Variants in SLC7A14 observed in about 807,000 individuals in gnomAD.
SLC7A14 encodes the protein gamma-aminobutyric acid transporter SLC7A14.
Under a neutral mutation model 60.2 loss-of-function variants are expected in SLC7A14, and 37 were observed. The ratio of observed to expected loss-of-function variants is 0.61; its 90% CI spans 0.47 to 0.81. The LOEUF is 0.81. SLC7A14 is among the 30% of genes least tolerant of loss of function. SLC7A14 has a pLI of 0.00. For synonymous variants in SLC7A14, 399 were observed against 395.8 expected (o/e 1.01, Z -0.10); for missense variants, 886 against 982.7 (o/e 0.90, Z 1.32).
intron 3 of SLC7A14, among the ~76,000 whole-genome samples, chr3:170,499,117 G>A (rs1246709073): frequency 1.3e-5 from 2 of 151,426 alleles, no homozygotes; most frequent in Non-Finnish European, 2.9e-5. Context: ...GGCGCCTGTA[G>A]TCCCAGCTAC....
At chr3:170,469,113 C>G (rs1260041766) in intron 7 of SLC7A14, among the ~76,000 whole-genome samples, 1 of 152,186 alleles carries the variant, frequency 6.6e-6, no homozygotes, top group African/African-American at 2.4e-5. Context: ...AGTATGCAAC[C>G]TCCTTCCCGG....
chr3:170,517,700 A>C (rs1713210653), intron 2 of SLC7A14, among the ~76,000 whole-genome samples: 1 of 152,144 alleles, frequency 6.6e-6, no homozygotes, highest in South Asian at 2.1e-4. Context: ...GAGGTTGGGA[A>C]CCTGTGGAGA....
At chr3:170,487,734 G>A (rs1358467323) in intron 4 of SLC7A14, among the ~76,000 whole-genome samples, 4 of 152,194 alleles carry the variant, frequency 2.6e-5, no homozygotes, top group African/African-American at 7.2e-5. Flanking sequence ...GGATTCTAAT[G>A]TTTCAACCCT....
intron 4 of SLC7A14, among the ~76,000 whole-genome samples, chr3:170,492,417 A>C (rs1381044205): frequency 6.6e-6 from 1 of 152,132 alleles, no homozygotes. Context: ...AGGTGGGAAG[A>C]TTACTTGAGC....
rs569654044 is a variant in SLC7A14, at chr3:170,519,197, C to A, written c.304+7436G>T. ...TTTACTGAGGGGGACCTTAGATCTT[C>A]CCATCGTAAATTGGGAATCAGAACC... On this transcript the variant is annotated intron_variant, in intron 2 of 7. Transcript: ENST00000231706. Among the ~76,000 whole-genome samples the A allele has an allele frequency of 3.9e-5, 6 of 152,256 alleles. No homozygotes were observed. In the East Asian group the frequency reaches 1.2e-3, roughly 29 times the overall value.
chr3:170,568,658 C>A (rs905891363), intron 1 of SLC7A14, among the ~76,000 whole-genome samples: 5 of 152,178 alleles, frequency 3.3e-5, no homozygotes, highest in South Asian at 2.1e-4. Context: ...AATGTTCTTC[C>A]ATTTGTTTGT....
intron 2 of SLC7A14, among the ~76,000 whole-genome samples, chr3:170,515,610 G>T (rs1713130175): frequency 6.6e-6 from 1 of 150,606 alleles, no homozygotes. Flanking sequence ...GCTAGCTGGG[G>T]TTAGGATGTG....
chr3:170,503,231 G>A (rs556603237), intron 2 of SLC7A14, among the ~76,000 whole-genome samples: 1 of 152,224 alleles, frequency 6.6e-6, no homozygotes, highest in South Asian at 2.1e-4. Context: ...TTTACTTCTT[G>A]TTGCTGTCCC....
chr3:170,565,017 G>A (rs770269080), intron 1 of SLC7A14, among the ~76,000 whole-genome samples: 5 of 152,106 alleles, frequency 3.3e-5, no homozygotes, highest in Admixed American at 6.5e-5. Flanking sequence ...CAGAAGCCTC[G>A]ATTGTTAGAA....
At chr3:170,515,320 C>A (rs953858328) in intron 2 of SLC7A14, among the ~76,000 whole-genome samples, 5 of 124,730 alleles carry the variant, frequency 4.0e-5, no homozygotes, top group East Asian at 4.3e-4. Context: ...CCGCCCCCCC[C>A]AAAAAAAAAA....
At chr3:170,555,838 C>T (rs190077600) in intron 1 of SLC7A14, among the ~76,000 whole-genome samples, 17 of 152,268 alleles carry the variant, frequency 1.1e-4, no homozygotes, top group Admixed American at 9.2e-4. Flanking sequence ...ATGTAATTAT[C>T]CATGTTGATA....
chr3:170,568,239 T>C (rs1263183127), intron 1 of SLC7A14, among the ~76,000 whole-genome samples: 1 of 152,200 alleles, frequency 6.6e-6, no homozygotes, highest in Non-Finnish European at 1.5e-5. Context: ...CTAGCCAGTT[T>C]TCCCAGTACC....
At chr3:170,495,186 C>A (rs1577511804) in intron 4 of SLC7A14, among the ~76,000 whole-genome samples, 1 of 152,156 alleles carries the variant, frequency 6.6e-6, no homozygotes, top group Non-Finnish European at 1.5e-5. Flanking sequence ...CAAGATTTTG[C>A]TGTTTTTTTG....
intron 1 of SLC7A14, among the ~76,000 whole-genome samples, chr3:170,577,480 C>T (rs562911795): frequency 2.6e-4 from 40 of 151,392 alleles, no homozygotes; most frequent in Non-Finnish European, 4.6e-4. Flanking sequence ...TAGCCGGGCG[C>T]GGTGGCGGGC....
At chr3:170,545,446 A>G (rs1307498293) in intron 1 of SLC7A14, among the ~76,000 whole-genome samples, 1 of 152,242 alleles carries the variant, frequency 6.6e-6, no homozygotes, top group East Asian at 1.9e-4. Flanking sequence ...GGTGATGAAC[A>G]TCATGCTACA....
At chr3:170,568,861 G>T (rs1256370198) in intron 1 of SLC7A14, among the ~76,000 whole-genome samples, 2 of 152,188 alleles carry the variant, frequency 1.3e-5, no homozygotes, top group Non-Finnish European at 2.9e-5. Flanking sequence ...CATTGATTTT[G>T]TATCCTGAGA....
In SLC7A14 at chr3:170,460,347, T is replaced by C. The variant is rs545290632; in HGVS notation, c.*6708A>G. The C allele has an allele frequency of 1.1e-4, 16 of 152,360 alleles. No individual in the cohort carries two copies. The highest frequency in any genetic ancestry group is 3.8e-4 in the African/African-American group (16 of 41,582). The allele number at this position is 152,360 out of a possible 1,614,324, so 9.4% of individuals were successfully genotyped here. On this transcript the variant is annotated 3_prime_UTR_variant, in exon 8 of 8. Transcript: ENST00000231706. ...CCTGTCATCAGATGATGTGACTACA[T>C]GGAATGAGGACTATAGCTGCTCTCT...
chr3:170,499,022 G>A (rs1577515462), intron 3 of SLC7A14, 138 bp from the exon 4 acceptor site: 1 of 714,450 alleles, frequency 1.4e-6, no homozygotes, highest in Non-Finnish European at 2.3e-6. Context: ...AGATCACGAG[G>A]TCAGGAGATT....
chr3:170,535,863 A>G lies in SLC7A14; in HGVS notation c.-152-8775T>C, dbSNP rs1008277209. On this transcript the variant is annotated intron_variant, in intron 1 of 7. Coordinates refer to ENST00000231706, the MANE Select transcript of SLC7A14 (RefSeq NM_020949.3). The surrounding 1 kb of genome is among the most constrained non-coding windows in gnomAD (Gnocchi z 4.3). Reference sequence around the variant, plus strand: ...ATTTTGCCTCATGATTTCTCTGCCCACTGCCCTCATCTTTATATATATTAA... The same window carrying G: ...ATTTTGCCTCATGATTTCTCTGCCCGCTGCCCTCATCTTTATATATATTAA... Among the ~76,000 whole-genome samples, 2 of 152,144 alleles carry G rather than the reference A, an allele frequency of 1.3e-5. No individual in the cohort carries two copies. The highest frequency in any genetic ancestry group is 4.8e-5 in the African/African-American group (2 of 41,434).
Sources: allele counts gnomAD v4.1 joint callset (sites outside exome capture counted in the v4.1 genomes callset), GRCh38; gene constraint gnomAD v4.1.1; non-coding constraint Gnocchi (gnomAD v3.1); transcripts MANE v1.5; gene names NCBI Gene and HGNC (gene_info 2026-07-23, HGNC 2026-07-21).